Variants in FAN1 observed in about 807,000 individuals in gnomAD.
FAN1 encodes FANCD2 and FANCI associated nuclease 1.
Under a neutral mutation model 104.9 loss-of-function variants are expected in FAN1, and 91 were observed. The observed-to-expected ratio is 0.87, with a 90% CI of 0.73 to 1.03. The LOEUF (loss-of-function observed/expected upper bound fraction) is 1.03, where lower values mean the gene tolerates loss of function less well. FAN1 is among the 50% of genes least tolerant of loss of function. FAN1 has a pLI of 0.00. For synonymous variants in FAN1, 478 were observed against 457.6 expected (o/e 1.04, Z -0.57); for missense variants, 1,263 against 1,239.9 (o/e 1.02, Z -0.28).
chr15:30,927,287 G>A (rs2062488525), intron 10 of FAN1: 3 of 985,422 alleles, frequency 3.0e-6, no homozygotes, highest in East Asian at 1.1e-4. Flanking sequence ...TCACCAGGAC[G>A]GAACACTGAC....
chr15:30,939,600 A>G (rs2062970233), intron 14 of FAN1: 1 of 928,428 alleles, frequency 1.1e-6, no homozygotes, highest in South Asian at 5.0e-5. Context: ...ACCATTATTA[A>G]TAGTACCTAA....
chr15:30,942,926 T>C lies in FAN1; in HGVS notation c.*1364T>C. On this transcript the variant is annotated 3_prime_UTR_variant, in exon 15 of 15. Coordinates refer to ENST00000362065, the MANE Select transcript of FAN1 (RefSeq NM_014967.5). ...TAAAAGACTTCACGGAGCCATTCTG[T>C]ATACAAGGTGTGCTCTTTCCAATGT... is the stretch of plus-strand genomic sequence containing the variant. The C allele has an allele frequency of 6.4e-7, 1 of 1,568,656 alleles. No homozygotes were observed. The highest frequency in any genetic ancestry group is 8.7e-7 in the Non-Finnish European group (1 of 1,154,504).
chr15:30,941,131 C>A, intron 14 of FAN1: 2 of 1,267,234 alleles, frequency 1.6e-6, no homozygotes, highest in South Asian at 1.3e-5. Flanking sequence ...CTGTTGTCTG[C>A]TGCCTGGGGC....
At position 30,930,652 on chromosome 15, in the gene FAN1, CCCAGAG is replaced by C. The variant is rs1358455935; in HGVS notation, c.2900_2905del (p.Gln967_Ser968del). On this transcript the variant is annotated inframe_deletion, in exon 13 of 15. Coordinates refer to ENST00000362065, the MANE Select transcript of FAN1 (RefSeq NM_014967.5). ...CTCCCCGACCTGGTGGTGTGGAACT[CCCAGAG>C]CCGTCACTTTAAGGTCAGTTGAGGC... 1 of 1,612,602 alleles carries C rather than the reference CCCAGAG, an allele frequency of 6.2e-7. No homozygotes were observed. The highest frequency in any genetic ancestry group is 8.5e-7 in the Non-Finnish European group (1 of 1,179,518).
intron 7 of FAN1, among the ~76,000 whole-genome samples, chr15:30,921,105 A>T (rs1231211295): frequency 3.9e-5 from 6 of 152,194 alleles, no homozygotes; most frequent in Non-Finnish European, 8.8e-5. Context: ...GTGCCTGGCC[A>T]ACGAGGGCAT....
rs1313491371 is a variant in FAN1 at position 30,930,836 on chromosome 15, C to T, written c.2916+165C>T. Among the ~76,000 whole-genome samples, 3 of 152,170 alleles carry T rather than the reference C, an allele frequency of 2.0e-5. No individual in the cohort carries two copies. The East Asian group carries it at 5.8e-4, about 29-fold the overall frequency. ...TGGGCCTGTCCCCTGCGACTGGCTT[C>T]ATCAGAGCAGGCGGGTGAGAGGAGC... On this transcript the variant is annotated intron_variant, in intron 13 of 14. Coordinates refer to ENST00000362065, the MANE Select transcript of FAN1 (RefSeq NM_014967.5).
rs60002525 is a variant in FAN1 at position 30,907,970 on chromosome 15, A to T, written c.1235-148A>T. ...GACCAATAATTGTTACCAAATTTTT[A>T]AATGTACTTTCAAAATGGTTTATTC... is the stretch of plus-strand genomic sequence containing the variant. On this transcript the variant is annotated intron_variant, in intron 2 of 14. Transcript: ENST00000362065. 8.8e-3 allele frequency: 4,625 copies of T among 527,330 alleles called. 171 individuals carry two copies. The highest frequency in any genetic ancestry group is 0.081 in the African/African-American group (4,135 of 50,768). 32.7% of individuals were successfully genotyped at this position (527,330 alleles called of 1,614,324 possible).
chr15:30,933,865 ATTC>A (rs1161044418), intron 13 of FAN1, among the ~76,000 whole-genome samples: 1 of 151,922 alleles, frequency 6.6e-6, no homozygotes. Context: ...GGCTCAAGCA[ATTC>A]TTCTGCCTCA....
chr15:30,933,200 G>A (rs758814289), intron 13 of FAN1, among the ~76,000 whole-genome samples: 1 of 151,816 alleles, frequency 6.6e-6, no homozygotes, highest in East Asian at 1.9e-4. Context: ...TTATTTCCTA[G>A]TTTCTCAAGG....
chr15:30,933,295 C>G (rs547378416), intron 13 of FAN1, among the ~76,000 whole-genome samples: 1 of 152,286 alleles, frequency 6.6e-6, no homozygotes, highest in South Asian at 2.1e-4. Flanking sequence ...GCTGCTTTAT[C>G]TGAACCTCAC....
rs543726663 is a variant in FAN1, at chr15:30,928,589, A to G, written c.2525A>G (p.Tyr842Cys). The G allele has an allele frequency of 1.3e-4, 211 of 1,611,100 alleles. 2 individuals are homozygous for G. The South Asian group carries it at 2.3e-3, about 17-fold the overall frequency. The change falls in exon 11 of 15, where the codon TAT (tyrosine) becomes TGT (cysteine). Residue 842 changes from tyrosine (Y) to cysteine (C), a missense_variant. Physicochemically the swap from Tyr to Cys is radical, Grantham distance 194. This residue lies in a region of FAN1 where 581 missense variants were observed against 668.8 expected (regional missense o/e 0.87). Coordinates refer to ENST00000362065, the MANE Select transcript of FAN1 (RefSeq NM_014967.5). ...HGEGSTFSTL[Y>C]GLLLWDIIFM... Reference sequence around the variant, plus strand: ...GAAGGGTCCACCTTCAGCACCCTGTATGGCCTCCTCCTGTGGGACATCATC... The same window carrying G: ...GAAGGGTCCACCTTCAGCACCCTGTGTGGCCTCCTCCTGTGGGACATCATC...
rs760021669 is a variant in FAN1 at position 30,905,685 on chromosome 15, T to A, written c.1022T>A (p.Leu341Gln). The change falls in exon 2 of 15, where the codon CTG (leucine) becomes CAG (glutamine). Residue 341 changes from leucine to glutamine, a missense_variant. Around this residue, in one of 2 missense-constraint regions of FAN1, gnomAD observed 682 missense variants for 571.1 expected, o/e 1.19. Coordinates refer to ENST00000362065, the MANE Select transcript of FAN1 (RefSeq NM_014967.5). ...TGGAGTAACATCCAAGAGGCTCCTC[T>A]GCAGGATGACAGTTGCTTAAACAAT... ...SAWSNIQEAP[L>Q]QDDSCLNNDI... 3 of 1,614,208 alleles carry A rather than the reference T, an allele frequency of 1.9e-6. No individual in the cohort carries two copies. In the South Asian group the frequency reaches 3.3e-5, roughly 18 times the overall value.
Position 30,905,057 on chromosome 15 carries a change from A to C in FAN1, c.394A>C (p.Asn132His), listed in dbSNP as rs775221096. The change falls in exon 2 of 15, where the codon AAT becomes CAT. Residue 132 changes from asparagine to histidine, a missense_variant. Around this residue, in one of 2 missense-constraint regions of FAN1, gnomAD observed 682 missense variants for 571.1 expected, o/e 1.19. Transcript: ENST00000362065. ...GAAGATCAGTCCCTACTTTAAAAGT[A>C]ATGATGTGGTGTGCAAAAATCAAGA... Reference protein sequence around the residue: ...KQKISPYFKSNDVVCKNQDEL... With the variant: ...KQKISPYFKSHDVVCKNQDEL... 16 of 1,613,980 alleles carry C rather than the reference A, an allele frequency of 9.9e-6. No homozygotes were observed. The highest frequency in any genetic ancestry group is 1.4e-5 in the Non-Finnish European group (16 of 1,180,028).
At chr15:30,927,681 C>T in intron 10 of FAN1, 1 of 985,672 alleles carries the variant, frequency 1.0e-6, no homozygotes, top group Non-Finnish European at 1.2e-6. Context: ...GTCTGGTGGT[C>T]AGCACCTCCT....
rs144455048 is a variant in FAN1, at chr15:30,908,351, C to T, written c.1375+93C>T. ...GGCAGTATTATTATGGTGCCCTCCC[C>T]GGGGTGGTGCCTGGTAACTTACTGT... On this transcript the variant is annotated intron_variant, in intron 3 of 14. Coordinates refer to ENST00000362065, the MANE Select transcript of FAN1 (RefSeq NM_014967.5). 1.1e-3 allele frequency: 1,128 copies of T among 1,071,062 alleles called. 10 individuals carry two copies. In the African/African-American group the frequency reaches 0.016, roughly 15 times the overall value. 66.3% of individuals were successfully genotyped at this position (1,071,062 alleles called of 1,614,324 possible).
intron 12 of FAN1, among the ~76,000 whole-genome samples, chr15:30,929,986 A>T (rs1484308961): frequency 1.1e-4 from 14 of 127,178 alleles, no homozygotes; most frequent in African/African-American, 3.2e-4. Context: ...TATAATATAT[A>T]AGATATCATA....
At chr15:30,911,727 T>A (rs1228755522) in intron 4 of FAN1, 1 of 953,760 alleles carries the variant, frequency 1.0e-6, no homozygotes, top group Non-Finnish European at 1.2e-6. Flanking sequence ...TATTTGATGT[T>A]AACCTTATAT....
At chr15:30,923,222 G>A (rs1053218641) in intron 8 of FAN1, among the ~76,000 whole-genome samples, 12 of 152,192 alleles carry the variant, frequency 7.9e-5, no homozygotes, top group Non-Finnish European at 1.5e-5. Flanking sequence ...CAGGGAAAGA[G>A]CCAGTAAAGC....
At chr15:30,941,298 TAAAA>T in intron 14 of FAN1, 1 of 1,517,532 alleles carries the variant, frequency 6.6e-7, no homozygotes, top group Non-Finnish European at 8.8e-7. Context: ...ACATCTCTCT[TAAAA>T]TAAGTGTGAA....
Sources: gnomAD v4.1 joint callset for allele counts (sites outside exome capture counted in the v4.1 genomes callset) on GRCh38, gnomAD v4.1.1 for gene constraint, gnomAD v4.1.1 regional missense constraint, MANE v1.5 for transcripts, NCBI Gene and HGNC (gene_info 2026-07-23, HGNC 2026-07-21) for gene names.